The following COL25A1 variants were observed in gnomAD, a reference collection of about 807,000 sequenced individuals.
COL25A1 encodes collagen type XXV alpha 1 chain, also known as collagen alpha-1(XXV) chain.
COL25A1 carries 103 observed loss-of-function variants against 128.4 expected under a neutral mutation model. That is an observed-to-expected ratio of 0.80 (90% CI 0.68 to 0.94). The LOEUF (loss-of-function observed/expected upper bound fraction) is 0.94, where lower values mean the gene tolerates loss of function less well. Among genes scored for constraint, COL25A1 ranks in the 40% least tolerant of loss-of-function variants. COL25A1 has a pLI of 0.00. For synonymous variants in COL25A1, 279 were observed against 277.2 expected (o/e 1.01, Z -0.06); for missense variants, 745 against 840.0 (o/e 0.89, Z 1.40).
intron 3 of COL25A1, among the ~76,000 whole-genome samples, chr4:109,095,948 CA>C (rs915187712): frequency 5.3e-5 from 8 of 152,098 alleles, no homozygotes; most frequent in Non-Finnish European, 7.3e-5. Flanking sequence ...TTTGCACACT[CA>C]ACGACTGGAA....
At chr4:109,072,056 T>C (rs1178428589) in intron 3 of COL25A1, among the ~76,000 whole-genome samples, 1 of 152,192 alleles carries the variant, frequency 6.6e-6, no homozygotes, top group African/African-American at 2.4e-5. Context: ...TTTGTTTTCT[T>C]TTTTCATAAT....
At chr4:109,181,955 T>C (rs563115027) in intron 3 of COL25A1, among the ~76,000 whole-genome samples, 1 of 152,236 alleles carries the variant, frequency 6.6e-6, no homozygotes, top group South Asian at 2.1e-4. Context: ...AAGGTATTTG[T>C]CTTTCTGTGC....
At chr4:109,269,900 C>A in intron 3 of COL25A1, among the ~76,000 whole-genome samples, 1 of 152,168 alleles carries the variant, frequency 6.6e-6, no homozygotes, top group African/African-American at 2.4e-5. Context: ...CCCTGGGATG[C>A]AAGGCTGGTT....
chr4:109,171,687 T>C (rs1773601998), intron 3 of COL25A1, among the ~76,000 whole-genome samples: 1 of 152,222 alleles, frequency 6.6e-6, no homozygotes, highest in Non-Finnish European at 1.5e-5. Flanking sequence ...CATCTTTGAA[T>C]AGCCACTACT....
intron 3 of COL25A1, among the ~76,000 whole-genome samples, chr4:109,050,718 C>T (rs924087183): frequency 6.6e-6 from 1 of 152,006 alleles, no homozygotes; most frequent in African/African-American, 2.4e-5. Context: ...ATTGGAATTT[C>T]ACCGATCAAC....
intron 32 of COL25A1, 32 bp downstream of exon 32, chr4:108,832,348 G>A (rs751666400): frequency 1.3e-6 from 2 of 1,550,258 alleles, no homozygotes; most frequent in Non-Finnish European, 1.8e-6. Flanking sequence ...GTTTTCTTTA[G>A]TACAAGCTTA....
intron 5 of COL25A1, among the ~76,000 whole-genome samples, chr4:109,027,128 C>T (rs527526560): frequency 1.3e-5 from 2 of 152,142 alleles, no homozygotes; most frequent in African/African-American, 2.4e-5. Context: ...AACAAAGCCC[C>T]GCTATCACTT....
intron 5 of COL25A1, among the ~76,000 whole-genome samples, chr4:109,029,888 G>A (rs1353127248): frequency 1.3e-5 from 2 of 151,926 alleles, no homozygotes; most frequent in Non-Finnish European, 2.9e-5. Flanking sequence ...TATTCATGAT[G>A]AGCTATTACA....
At chr4:109,048,607 T>C (rs1760680956) in intron 4 of COL25A1, among the ~76,000 whole-genome samples, 1 of 152,172 alleles carries the variant, frequency 6.6e-6, no homozygotes, top group South Asian at 2.1e-4. Flanking sequence ...GTCCTTAGAA[T>C]TTTTTATTCA....
intron 19 of COL25A1, among the ~76,000 whole-genome samples, chr4:108,870,058 G>T (rs1413376658): frequency 1.3e-5 from 2 of 152,058 alleles, no homozygotes; most frequent in Non-Finnish European, 2.9e-5. Flanking sequence ...TTTGAGACCA[G>T]CCTGGGCAAC....
At chr4:109,249,827 C>T (rs1395020917) in intron 3 of COL25A1, among the ~76,000 whole-genome samples, 2 of 152,176 alleles carry the variant, frequency 1.3e-5, no homozygotes, top group Non-Finnish European at 2.9e-5. Context: ...TAACTACTTA[C>T]TTGAGATAAT....
intron 20 of COL25A1, among the ~76,000 whole-genome samples, chr4:108,868,866 A>AAG (rs951226419): frequency 6.8e-6 from 1 of 148,122 alleles, no homozygotes; most frequent in African/African-American, 2.5e-5. Context: ...AGAAGGAAGG[A>AAG]AGAGAGAGAG....
chr4:109,108,077 C>A (rs775470449), intron 3 of COL25A1, among the ~76,000 whole-genome samples: 3 of 152,104 alleles, frequency 2.0e-5, no homozygotes, highest in Non-Finnish European at 4.4e-5. Context: ...ATGTGCACAA[C>A]GTGCAGGTTT....
chr4:109,050,255 A>C, intron 3 of COL25A1, 76 bp from the exon 4 acceptor site: 1 of 1,107,276 alleles, frequency 9.0e-7, no homozygotes, highest in Non-Finnish European at 1.3e-6. Context: ...TAAATAATTT[A>C]TATATATTTT....
At chr4:109,023,510 G>C (rs1757953186) in intron 5 of COL25A1, among the ~76,000 whole-genome samples, 1 of 152,188 alleles carries the variant, frequency 6.6e-6, no homozygotes, top group South Asian at 2.1e-4. Context: ...GAAAATTTAT[G>C]AGCTTGTTGG....
At chr4:109,252,724 T>G (rs934912452) in intron 3 of COL25A1, among the ~76,000 whole-genome samples, 5 of 152,144 alleles carry the variant, frequency 3.3e-5, no homozygotes, top group Admixed American at 6.5e-5. Context: ...TGTCTGGTCA[T>G]CTCTCCTTCC....
Position 108,939,355 on chromosome 4 carries a change from C to G in COL25A1, c.672+1184G>C, listed in dbSNP as rs528174339. Among the ~76,000 whole-genome samples, 9 of 152,320 alleles carry G rather than the reference C, an allele frequency of 5.9e-5. No individual in the cohort carries two copies. The South Asian group carries it at 1.9e-3, about 32-fold the overall frequency. ...GGTTGAGTGAAAGCAGTCCTAACAA[C>G]TAGCAAATCATATGTTGAAAGACAA... On this transcript the variant is annotated intron_variant, in intron 10 of 37. Coordinates refer to ENST00000399132, the MANE Select transcript of COL25A1 (RefSeq NM_198721.4).
intron 3 of COL25A1, among the ~76,000 whole-genome samples, chr4:109,111,062 C>G (rs1766956006): frequency 6.6e-6 from 1 of 152,228 alleles, no homozygotes; most frequent in South Asian, 2.1e-4. Context: ...TGAGGCCCTT[C>G]AAAATCTTTC....
chr4:109,161,612 T>A (rs973433668), intron 3 of COL25A1, among the ~76,000 whole-genome samples: 1 of 152,224 alleles, frequency 6.6e-6, no homozygotes, highest in African/African-American at 2.4e-5. Flanking sequence ...GCACTCTGAA[T>A]TGTGGAAGCC....
Sources: gnomAD v4.1 joint callset for allele counts (sites outside exome capture counted in the v4.1 genomes callset) on GRCh38, gnomAD v4.1.1 for gene constraint, MANE v1.5 for transcripts, NCBI Gene and HGNC (gene_info 2026-07-23, HGNC 2026-07-21) for gene names.